ETV6: variants seen among roughly 807,000 people sequenced by gnomAD.
ETV6 encodes the protein ETS variant transcription factor 6.
A neutral mutation model predicts 51.1 loss-of-function variants in ETV6; 16 were observed. The observed-to-expected ratio is 0.31, with a 90% CI of 0.21 to 0.48. The LOEUF (loss-of-function observed/expected upper bound fraction) is 0.48, where lower values mean the gene tolerates loss of function less well. ETV6 is among the 20% of genes least tolerant of loss of function. The pLI, the probability that ETV6 is intolerant of heterozygous loss-of-function variation, is 0.99. For missense variants in ETV6, 458 were observed against 594.8 expected (o/e 0.77, Z 2.39); for synonymous variants, 240 against 224.1 (o/e 1.07, Z -0.64).
Position 11,723,719 on chromosome 12 carries a change from C to T in ETV6, c.34-28731C>T, listed in dbSNP as rs368405921. ...TATCCTGGCCTCTCCTTGACCAACACATTGGTAAATTTGGCCTCTGCTCTT... is the reference window on the plus strand; with the variant it reads ...TATCCTGGCCTCTCCTTGACCAACATATTGGTAAATTTGGCCTCTGCTCTT... On this transcript the variant is annotated intron_variant, in intron 1 of 7. Transcript: ENST00000396373. Among the ~76,000 whole-genome samples the T allele has an allele frequency of 6.6e-4, 100 of 152,294 alleles. 2 individuals carry two copies. In the South Asian group the frequency reaches 9.3e-3, roughly 14 times the overall value.
chr12:11,702,082 C>T (rs925300591), intron 1 of ETV6, among the ~76,000 whole-genome samples: 2 of 152,050 alleles, frequency 1.3e-5, no homozygotes, highest in African/African-American at 2.4e-5. Context: ...TGACCCCGTT[C>T]GATCTGTGGG....
intron 2 of ETV6, among the ~76,000 whole-genome samples, chr12:11,805,487 T>G (rs543806845): frequency 6.6e-6 from 1 of 151,676 alleles, no homozygotes; most frequent in Non-Finnish European, 1.5e-5. Flanking sequence ...AGCATTGATG[T>G]AGCAGTACAG....
intron 1 of ETV6, among the ~76,000 whole-genome samples, chr12:11,723,319 C>T (rs1200388185): frequency 6.6e-6 from 1 of 152,080 alleles, no homozygotes; most frequent in East Asian, 1.9e-4. Flanking sequence ...TTACTATAGG[C>T]CAGAGATTGA....
intron 1 of ETV6, among the ~76,000 whole-genome samples, chr12:11,749,114 A>G (rs1984382): frequency 0.31 from 47,687 of 151,922 alleles, 8,128 homozygotes; most frequent in East Asian, 0.46. Flanking sequence ...TTTATTTTTT[A>G]CAGCATCTAA....
intron 2 of ETV6, among the ~76,000 whole-genome samples, chr12:11,820,362 A>G (rs1946058085): frequency 6.6e-6 from 1 of 152,242 alleles, no homozygotes; most frequent in Non-Finnish European, 1.5e-5. Context: ...GCAGGAATCC[A>G]AACAAAGGTC....
intron 2 of ETV6, among the ~76,000 whole-genome samples, chr12:11,788,272 A>G (rs1466786980): frequency 6.6e-6 from 1 of 152,186 alleles, no homozygotes; most frequent in Admixed American, 6.5e-5. Flanking sequence ...TCTCGAACTA[A>G]TAAGACTTTT....
At chr12:11,848,590 T>C (rs956891477) in intron 3 of ETV6, among the ~76,000 whole-genome samples, 8 of 152,190 alleles carry the variant, frequency 5.3e-5, no homozygotes, top group African/African-American at 1.9e-4. Flanking sequence ...AATGCAAAAC[T>C]GTGTTTTGTT....
At chr12:11,755,571 T>G (rs1944995941) in intron 2 of ETV6, among the ~76,000 whole-genome samples, 1 of 152,124 alleles carries the variant, frequency 6.6e-6, no homozygotes, top group Admixed American at 6.5e-5. Flanking sequence ...GTCATCCTGT[T>G]TGAGAGGAGC....
At chr12:11,666,307 C>G (rs1196186067) in intron 1 of ETV6, among the ~76,000 whole-genome samples, 1 of 152,162 alleles carries the variant, frequency 6.6e-6, no homozygotes, top group Non-Finnish European at 1.5e-5. Context: ...ATGTTCTCTC[C>G]TACCCTATCT....
At chr12:11,802,703 T>G (rs1945767590) in intron 2 of ETV6, among the ~76,000 whole-genome samples, 1 of 152,204 alleles carries the variant, frequency 6.6e-6, no homozygotes, top group Non-Finnish European at 1.5e-5. Context: ...AGTTTGGACT[T>G]CTGGTGGATT....
chr12:11,853,171 A>G (rs1463192973), intron 3 of ETV6, among the ~76,000 whole-genome samples: 1 of 152,222 alleles, frequency 6.6e-6, no homozygotes, highest in Non-Finnish European at 1.5e-5. Context: ...CTGGCAACGG[A>G]GCGCAACCCT....
chr12:11,709,828 C>T (rs1865139641), intron 1 of ETV6, among the ~76,000 whole-genome samples: 1 of 152,236 alleles, frequency 6.6e-6, no homozygotes, highest in Admixed American at 6.5e-5. Context: ...CGGCTCTTCT[C>T]TGGGTCTCCA....
chr12:11,764,301 A>G (rs1165779120), intron 2 of ETV6, among the ~76,000 whole-genome samples: 2 of 152,218 alleles, frequency 1.3e-5, no homozygotes, highest in Non-Finnish European at 2.9e-5. Context: ...ATGGAAAACT[A>G]GATGGAAAAT....
At chr12:11,688,446 G>A (rs935335472) in intron 1 of ETV6, among the ~76,000 whole-genome samples, 6 of 152,170 alleles carry the variant, frequency 3.9e-5, no homozygotes, top group African/African-American at 1.4e-4. Flanking sequence ...CTAGTGGTTT[G>A]ATTTTCCATT....
intron 4 of ETV6, among the ~76,000 whole-genome samples, chr12:11,855,324 C>T (rs759500538): frequency 5.3e-5 from 8 of 151,918 alleles, no homozygotes; most frequent in Middle Eastern, 6.8e-3. Context: ...CAAACCAAAG[C>T]GAAAGGAAAC....
At chr12:11,769,924 T>C (rs1169479617) in intron 2 of ETV6, among the ~76,000 whole-genome samples, 1 of 152,120 alleles carries the variant, frequency 6.6e-6, no homozygotes, top group Non-Finnish European at 1.5e-5. Context: ...ACCTGTGCCC[T>C]TGGGCAGGTG....
intron 1 of ETV6, among the ~76,000 whole-genome samples, chr12:11,694,466 A>G (rs184611920): frequency 3.8e-4 from 58 of 152,346 alleles, no homozygotes; most frequent in African/African-American, 1.3e-3. Context: ...TGTTTAAACC[A>G]AATGTACTGT....
intron 6 of ETV6, 55 bp downstream of exon 6, chr12:11,884,642 T>A (rs1406405291): frequency 6.3e-7 from 1 of 1,599,110 alleles, no homozygotes. Flanking sequence ...GAAGTCCTTA[T>A]CCCTGGATTG....
chr12:11,835,229 T>C (rs1220911063), intron 2 of ETV6, among the ~76,000 whole-genome samples: 2 of 152,230 alleles, frequency 1.3e-5, no homozygotes. Context: ...TGTACAAAAT[T>C]CTTTTCAAAT....
Sources: gnomAD v4.1 joint callset for allele counts (sites outside exome capture counted in the v4.1 genomes callset) on GRCh38, gnomAD v4.1.1 for gene constraint, MANE v1.5 for transcripts, NCBI Gene and HGNC (gene_info 2026-07-23, HGNC 2026-07-21) for gene names.